Variants in UGT1A8 observed in about 807,000 individuals in gnomAD.
UGT1A8 encodes UDP-glucuronosyltransferase 1A8.
A neutral mutation model predicts 45.3 loss-of-function variants in UGT1A8; 39 were observed. That is an observed-to-expected ratio of 0.86 (90% confidence interval 0.67 to 1.12). The LOEUF (loss-of-function observed/expected upper bound fraction) is 1.12. UGT1A8 is among the 50% of genes most tolerant of loss of function. The pLI, the probability that UGT1A8 is intolerant of heterozygous loss-of-function variation, is 0.00. For missense variants in UGT1A8, 719 were observed against 664.9 expected (o/e 1.08, Z -0.90); for synonymous variants, 275 against 249.2 (o/e 1.10, Z -0.97).
chr2:233,758,001 G>A (rs1372978564), intron 1 of UGT1A8, among the ~76,000 whole-genome samples: 1 of 152,062 alleles, frequency 6.6e-6, no homozygotes, highest in Non-Finnish European at 1.5e-5. Context: ...TAATTGCCTG[G>A]TCATGAGTTT....
intron 1 of UGT1A8, among the ~76,000 whole-genome samples, chr2:233,679,872 T>C (rs2074464794): frequency 6.6e-6 from 1 of 152,180 alleles, no homozygotes; most frequent in Non-Finnish European, 1.5e-5. Context: ...AAGCCTTTCT[T>C]ATAGCAATCC....
At chr2:233,644,591 A>G (rs1487590258) in intron 1 of UGT1A8, among the ~76,000 whole-genome samples, 1 of 151,938 alleles carries the variant, frequency 6.6e-6, no homozygotes, top group Non-Finnish European at 1.5e-5. Context: ...TAAATAAATA[A>G]ATAAACGCTC....
In UGT1A8 at chr2:233,695,130, C is replaced by CTTTCTTTTTTT. The variant is rs1364557158; in HGVS notation, c.856-71901_856-71900insCTTTTTTTTTT. Among the ~76,000 whole-genome samples, 82 of 138,816 alleles carry CTTTCTTTTTTT rather than the reference C, an allele frequency of 5.9e-4. 2 individuals carry two copies. Among genetic ancestry groups the CTTTCTTTTTTT allele is most frequent in the South Asian group, 1.4e-3 (6 of 4,416 alleles). The allele number at this position is 138,816 out of a possible 152,430, so 91.1% of individuals were successfully genotyped here. On this transcript the variant is annotated intron_variant, in intron 1 of 4. Transcript: ENST00000373450. ...GCCCATTAACCAACCCTTTTCTTTT[C>CTTTCTTTTTTT]TTTTTTTTTTTTTTGAGACAGAGTC...
intron 1 of UGT1A8, among the ~76,000 whole-genome samples, chr2:233,752,060 G>T (rs1330346161): frequency 6.6e-6 from 1 of 152,256 alleles, no homozygotes; most frequent in East Asian, 1.9e-4. Context: ...ATGATTTCCC[G>T]AGATGGGGAA....
intron 1 of UGT1A8, among the ~76,000 whole-genome samples, chr2:233,749,703 T>C (rs1694254740): frequency 1.3e-5 from 2 of 151,790 alleles, no homozygotes; most frequent in Non-Finnish European, 2.9e-5. Flanking sequence ...TGGGAGGTGA[T>C]TGGATCATGG....
chr2:233,620,257 A>G (rs555046885), intron 1 of UGT1A8, among the ~76,000 whole-genome samples: 1 of 152,334 alleles, frequency 6.6e-6, no homozygotes, highest in South Asian at 2.1e-4. Flanking sequence ...TCACGGCAAG[A>G]TCAGGTGAAG....
intron 1 of UGT1A8, among the ~76,000 whole-genome samples, chr2:233,762,016 T>C (rs1483178639): frequency 3.9e-5 from 6 of 152,180 alleles, no homozygotes; most frequent in Non-Finnish European, 2.9e-5. Flanking sequence ...CAATGTGATT[T>C]GTATTTTATT....
At chr2:233,628,433 G>A (rs2073131211) in intron 1 of UGT1A8, among the ~76,000 whole-genome samples, 1 of 152,068 alleles carries the variant, frequency 6.6e-6, no homozygotes, top group Non-Finnish European at 1.5e-5. Context: ...AATGTCAACT[G>A]TATATAGAAA....
At chr2:233,620,404 G>A (rs1352620603) in intron 1 of UGT1A8, among the ~76,000 whole-genome samples, 1 of 152,180 alleles carries the variant, frequency 6.6e-6, no homozygotes, top group Non-Finnish European at 1.5e-5. Flanking sequence ...GTGAGGCTCT[G>A]CCACTTCCTG....
intron 1 of UGT1A8, among the ~76,000 whole-genome samples, chr2:233,644,244 G>A (rs1285409797): frequency 6.6e-6 from 1 of 152,184 alleles, no homozygotes; most frequent in African/African-American, 2.4e-5. Flanking sequence ...TCTGAGATCA[G>A]CAATTTCCCT....
rs769563811 is a variant in UGT1A8, at chr2:233,617,715, G to A, written c.8G>A (p.Arg3His). 1.5e-5 allele frequency: 24 copies of A among 1,611,818 alleles called. No homozygotes were observed. Among genetic ancestry groups the A allele is most frequent in the Non-Finnish European group, 1.9e-5 (22 of 1,179,050 alleles). Residue 3 changes from arginine (R) to histidine (H), a missense_variant, in exon 1 of 5, where the codon CGC becomes CAC. Coordinates refer to ENST00000373450, the MANE Select transcript of UGT1A8 (RefSeq NM_019076.5). ...TCGGGCTGCAGTTCTCTCATGGCTC[G>A]CACAGGGTGGACCAGCCCCATTCCC... MA[R>H]TGWTSPIPLC...
chr2:233,717,244 T>C (rs3806594), intron 1 of UGT1A8, among the ~76,000 whole-genome samples: 15,396 of 152,020 alleles, frequency 0.1, 884 homozygotes, highest in East Asian at 0.2. Flanking sequence ...ATGCAGACAG[T>C]TTTAAGGGGG....
rs199947040 is a variant in UGT1A8 at position 233,743,509 on chromosome 2, G to A, written c.856-23525G>A. On this transcript the variant is annotated intron_variant, in intron 1 of 4. Transcript: ENST00000373450. ...GAAGGCAGAGAAAAGGGGTGCAGAC[G>A]CTCTGCTTCTGCTTCCCCAGCAGTT... 3.6e-5 allele frequency: 49 copies of A among 1,367,172 alleles called. 1 individual carries two copies. The South Asian group carries it at 4.7e-4, about 13-fold the overall frequency. The allele number at this position is 1,367,172 out of a possible 1,614,324, so 84.7% of individuals were successfully genotyped here.
intron 1 of UGT1A8, among the ~76,000 whole-genome samples, chr2:233,635,516 T>C (rs1011319733): frequency 6.6e-6 from 1 of 150,826 alleles, no homozygotes; most frequent in Admixed American, 6.7e-5. Context: ...TGCCAAGCCA[T>C]TCATGAGGGA....
chr2:233,687,751 T>A (rs2074861561), intron 1 of UGT1A8, among the ~76,000 whole-genome samples: 1 of 151,964 alleles, frequency 6.6e-6, no homozygotes, highest in Admixed American at 6.6e-5. Context: ...AAAAATGTTT[T>A]AAAAATTAGC....
intron 1 of UGT1A8, among the ~76,000 whole-genome samples, chr2:233,676,649 G>A (rs764826095): frequency 1.3e-5 from 2 of 152,070 alleles, no homozygotes; most frequent in Non-Finnish European, 2.9e-5. Context: ...CTTGTTTTTA[G>A]TGACTTGGGC....
At chr2:233,673,672 C>T (rs1378873633) in intron 1 of UGT1A8, among the ~76,000 whole-genome samples, 1 of 152,118 alleles carries the variant, frequency 6.6e-6, no homozygotes, top group Admixed American at 6.5e-5. Context: ...TTCTTATTAA[C>T]ATTTATTCCT....
At chr2:233,687,189 C>T (rs930297706) in intron 1 of UGT1A8, among the ~76,000 whole-genome samples, 15 of 152,120 alleles carry the variant, frequency 9.9e-5, no homozygotes, top group African/African-American at 1.7e-4. Context: ...CAGCAATACC[C>T]GTAATTGGGT....
In UGT1A8 at chr2:233,625,524, A is replaced by C. The variant is rs868219115; in HGVS notation, c.855+6962A>C. 2.6e-5 allele frequency among the ~76,000 whole-genome samples: 4 copies of C among 152,122 alleles called. No individual in the cohort carries two copies. In the South Asian group the frequency reaches 8.3e-4, roughly 32 times the overall value. On this transcript the variant is annotated intron_variant, in intron 1 of 4. Coordinates refer to ENST00000373450, the MANE Select transcript of UGT1A8 (RefSeq NM_019076.5). ...CATTGCAGCTCTATTCAGAATAGAAAAGGCATGAAATCAACCTAGGTGCCT... is the reference window on the plus strand; with the variant it reads ...CATTGCAGCTCTATTCAGAATAGAACAGGCATGAAATCAACCTAGGTGCCT...
Sources: gnomAD v4.1 joint callset for allele counts (sites outside exome capture counted in the v4.1 genomes callset) on GRCh38, gnomAD v4.1.1 for gene constraint, MANE v1.5 for transcripts, NCBI Gene and HGNC (gene_info 2026-07-23, HGNC 2026-07-21) for gene names.